The following PDE4D variants were observed in gnomAD, a reference collection of about 807,000 sequenced individuals.
PDE4D encodes phosphodiesterase 4D.
In PDE4D, 24 loss-of-function variants were observed where a neutral mutation model predicts 87.4. The ratio of observed to expected loss-of-function variants is 0.27; its 90% CI spans 0.20 to 0.39. PDE4D has a LOEUF of 0.39. Ranked by LOEUF, PDE4D falls within the 10% of genes least tolerant of loss-of-function variation. The pLI, the probability that PDE4D is intolerant of heterozygous loss-of-function variation, is 1.00. For missense variants in PDE4D, 714 were observed against 1,041.0 expected, an observed-to-expected ratio of 0.69 and a Z score of 4.32; for synonymous variants, 384 against 383.2, an observed-to-expected ratio of 1.00 and a Z score of -0.02.
intron 1 of PDE4D, among the ~76,000 whole-genome samples, chr5:60,361,721 C>T (rs1231466964): frequency 6.6e-6 from 1 of 152,126 alleles, no homozygotes; most frequent in Non-Finnish European, 1.5e-5. Flanking sequence ...TAATTAACAA[C>T]GTTTGAGATG....
chr5:60,492,124 T>TAA (rs776940230), upstream of PDE4D, among the ~76,000 whole-genome samples: 11 of 130,464 alleles, frequency 8.4e-5, no homozygotes, highest in African/African-American at 2.2e-4. Context: ...AAAGTATAAT[T>TAA]AAAAAAAAAA....
At chr5:60,351,785 A>T (rs1270990881) in intron 1 of PDE4D, among the ~76,000 whole-genome samples, 1 of 127,190 alleles carries the variant, frequency 7.9e-6, no homozygotes, top group Non-Finnish European at 1.5e-5. Context: ...TAATTATTTT[A>T]TTTATTTATT....
intron 1 of PDE4D, among the ~76,000 whole-genome samples, chr5:59,397,096 T>G (rs10065206): frequency 0.23 from 22,514 of 98,088 alleles, 3,054 homozygotes; most frequent in Middle Eastern, 0.28. Context: ...CTGAGTGACC[T>G]ACAAAGAGAC....
chr5:59,899,721 GGA>G (rs1282806176), intron 3 of PDE4D, among the ~76,000 whole-genome samples: 1 of 152,186 alleles, frequency 6.6e-6, no homozygotes, highest in East Asian at 1.9e-4. Flanking sequence ...AGGAAGCAAG[GGA>G]GTAAGCCAGC....
At chr5:60,339,707 G>A (rs141701893) in intron 1 of PDE4D, among the ~76,000 whole-genome samples, 98 of 152,286 alleles carry the variant, frequency 6.4e-4, no homozygotes, top group East Asian at 1.9e-3. Flanking sequence ...ATTTTAGGCT[G>A]AGTAATATTC....
intron 1 of PDE4D, among the ~76,000 whole-genome samples, chr5:59,812,386 G>T (rs1042878839): frequency 1.3e-5 from 2 of 152,150 alleles, no homozygotes; most frequent in Non-Finnish European, 2.9e-5. Context: ...TGTATCAAGT[G>T]GGGCCAGGCG....
At chr5:59,506,244 GGAGT>G in intron 1 of PDE4D, among the ~76,000 whole-genome samples, 1 of 152,194 alleles carries the variant, frequency 6.6e-6, no homozygotes, top group Non-Finnish European at 1.5e-5. Flanking sequence ...ATTTTTTAGA[GGAGT>G]GAGATTCACA....
At chr5:59,354,807 C>A (rs1264849285) in intron 1 of PDE4D, among the ~76,000 whole-genome samples, 1 of 152,162 alleles carries the variant, frequency 6.6e-6, no homozygotes, top group Non-Finnish European at 1.5e-5. Context: ...TAACAGAATA[C>A]TTTATCAAAT....
At chr5:59,448,229 T>G (rs1050005807) in intron 1 of PDE4D, among the ~76,000 whole-genome samples, 11 of 152,200 alleles carry the variant, frequency 7.2e-5, no homozygotes, top group Admixed American at 7.2e-4. Context: ...GACAATAAGC[T>G]TTAAGATTCT....
At chr5:60,142,321 C>T (rs1035344501) in intron 2 of PDE4D, among the ~76,000 whole-genome samples, 6 of 152,090 alleles carry the variant, frequency 3.9e-5, no homozygotes, top group African/African-American at 1.4e-4. Context: ...GCTTTGTACA[C>T]ACATAATCAT....
chr5:60,251,289 AC>A (rs148896101), intron 1 of PDE4D, among the ~76,000 whole-genome samples: 3,133 of 151,952 alleles, frequency 0.021, 57 homozygotes, highest in Non-Finnish European at 0.033. Flanking sequence ...GGTTTGGTGT[AC>A]AGATTATTTC....
chr5:60,146,377 C>T (rs1362467878), intron 2 of PDE4D, among the ~76,000 whole-genome samples: 1 of 152,200 alleles, frequency 6.6e-6, no homozygotes, highest in African/African-American at 2.4e-5. Context: ...CATATAGTCT[C>T]CTTCCAGATA....
chr5:59,960,058 A>G (rs1434683089), intron 3 of PDE4D, among the ~76,000 whole-genome samples: 2 of 152,218 alleles, frequency 1.3e-5, no homozygotes, highest in Non-Finnish European at 2.9e-5. Flanking sequence ...GACACTTTTC[A>G]AAAGAAGACA....
chr5:59,373,381 T>C (rs1002760686), intron 1 of PDE4D, among the ~76,000 whole-genome samples: 2 of 152,154 alleles, frequency 1.3e-5, no homozygotes, highest in African/African-American at 4.8e-5. Flanking sequence ...CATAATGTAA[T>C]TACAAGTACT....
chr5:59,373,440 C>A (rs939404991), intron 1 of PDE4D, among the ~76,000 whole-genome samples: 5 of 152,058 alleles, frequency 3.3e-5, no homozygotes, highest in Non-Finnish European at 7.4e-5. Flanking sequence ...AATCTCAGAG[C>A]TTGAAAACTG....
chr5:59,827,859 T>A (rs1256031709), intron 1 of PDE4D, among the ~76,000 whole-genome samples: 1 of 152,088 alleles, frequency 6.6e-6, no homozygotes, highest in Non-Finnish European at 1.5e-5. Flanking sequence ...AAAATGTACA[T>A]ATGAAAAACA....
intron 1 of PDE4D, chr5:59,356,777 G>A (rs775904516): frequency 9.1e-5 from 143 of 1,568,306 alleles, no homozygotes; most frequent in South Asian, 1.4e-4. Context: ...TTTGAGAAAC[G>A]CAATCTTGAT....
intron 1 of PDE4D, among the ~76,000 whole-genome samples, chr5:60,517,482 C>A (rs1013085556): frequency 1.2e-4 from 18 of 152,244 alleles, no homozygotes; most frequent in Admixed American, 5.9e-4. Flanking sequence ...TTAGCACTCA[C>A]TTCCCCTTCT....
At chr5:59,137,655 T>C (rs1051233539) in intron 5 of PDE4D, among the ~76,000 whole-genome samples, 2 of 151,986 alleles carry the variant, frequency 1.3e-5, no homozygotes, top group Admixed American at 1.3e-4. Context: ...GCCTCCCTAG[T>C]AGCTGGGACT....
Sources: allele counts gnomAD v4.1 joint callset (sites outside exome capture counted in the v4.1 genomes callset), GRCh38; gene constraint gnomAD v4.1.1; transcripts MANE v1.5; gene names NCBI Gene and HGNC (gene_info 2026-07-23, HGNC 2026-07-21).